The following SCFD1 variants were observed in gnomAD, a reference collection of about 807,000 sequenced individuals.
SCFD1 encodes the protein sec1 family domain-containing protein 1.
In SCFD1, 37 loss-of-function variants were observed where a neutral mutation model predicts 103.2. The observed-to-expected ratio is 0.36, with a 90% CI of 0.28 to 0.47. SCFD1 has a LOEUF of 0.47. Ranked by LOEUF, SCFD1 falls within the 20% of genes least tolerant of loss-of-function variation. The probability of loss-of-function intolerance (pLI) is 1.00; values close to 1 mark genes in which losing one functional copy is unlikely to be tolerated. For missense variants in SCFD1, 639 were observed against 761.2 expected (o/e 0.84, Z 1.89); for synonymous variants, 264 against 245.0 (o/e 1.08, Z -0.73).
At chr14:30,679,683 CTT>C (rs34886498) in intron 14 of SCFD1, among the ~76,000 whole-genome samples, 7,163 of 146,794 alleles carry the variant, frequency 0.049, 253 homozygotes, top group African/African-American at 0.096. Flanking sequence ...CATAAACTGA[CTT>C]TTTTTTTTTT....
chr14:30,660,120 C>T (rs867988270), intron 10 of SCFD1, among the ~76,000 whole-genome samples: 1 of 152,068 alleles, frequency 6.6e-6, no homozygotes, highest in Non-Finnish European at 1.5e-5. Context: ...AATAAGGATC[C>T]AGAAATACAT....
At chr14:30,626,673 C>G (rs1338941839) in intron 1 of SCFD1, among the ~76,000 whole-genome samples, 2 of 152,220 alleles carry the variant, frequency 1.3e-5, no homozygotes, top group Non-Finnish European at 2.9e-5. Flanking sequence ...AGCCCACTGT[C>G]ACTGGACTCT....
intron 9 of SCFD1, among the ~76,000 whole-genome samples, chr14:30,651,656 C>A (rs1886402108): frequency 6.6e-6 from 1 of 151,648 alleles, no homozygotes; most frequent in Non-Finnish European, 1.5e-5. Context: ...CCTTAGAAAC[C>A]AGTATAAAGG....
chr14:30,674,016 C>T lies in SCFD1; in HGVS notation c.1160+19C>T. The T allele has an allele frequency of 3.2e-6, 5 of 1,575,430 alleles. No homozygotes were observed. The highest frequency in any genetic ancestry group is 4.3e-6 in the Non-Finnish European group (5 of 1,153,466). On this transcript the variant is annotated intron_variant, in intron 13 of 24. Transcript: ENST00000458591. ...CTGTTAGGTAAGTGAGCAGTATATC[C>T]TCTTTGAAGTCTTTCTGTTGATAGG...
At chr14:30,701,822 AT>A (rs1030763057) in intron 16 of SCFD1, among the ~76,000 whole-genome samples, 1 of 151,916 alleles carries the variant, frequency 6.6e-6, no homozygotes, top group African/African-American at 2.4e-5. Context: ...AAAAAAAAAA[AT>A]TTAAAAGTGC....
intron 14 of SCFD1, among the ~76,000 whole-genome samples, chr14:30,691,119 G>C (rs958686996): frequency 1.3e-5 from 2 of 152,110 alleles, no homozygotes; most frequent in African/African-American, 4.8e-5. Flanking sequence ...ATTTTCTGTG[G>C]TATACATTAG....
At chr14:30,724,462 A>G (rs1326032836) in intron 23 of SCFD1, among the ~76,000 whole-genome samples, 5 of 151,972 alleles carry the variant, frequency 3.3e-5, no homozygotes, top group Non-Finnish European at 5.9e-5. Flanking sequence ...CACGTTGGCC[A>G]GATTGGTCTT....
At chr14:30,668,743 T>C (rs1198491263) in intron 10 of SCFD1, among the ~76,000 whole-genome samples, 6 of 152,102 alleles carry the variant, frequency 3.9e-5, no homozygotes, top group African/African-American at 1.4e-4. Context: ...GAGCGAAGGA[T>C]ATGAACAGAC....
Position 30,734,863 on chromosome 14 carries a change from A to C in SCFD1, c.1905+5A>C. The C allele has an allele frequency of 1.9e-6, 3 of 1,602,892 alleles. No individual in the cohort carries two copies. Among genetic ancestry groups the C allele is most frequent in the Non-Finnish European group, 2.6e-6 (3 of 1,169,954 alleles). ...GCTACACAGTTCATAAAACAGGTAA[A>C]GTATACATTTGTTGTTTGTTTCTGT... On this transcript the variant is annotated splice_donor_5th_base_variant and intron_variant, in intron 24 of 24. Coordinates refer to ENST00000458591, the MANE Select transcript of SCFD1 (RefSeq NM_016106.4).
At position 30,706,755 on chromosome 14, in the gene SCFD1, A is replaced by G. The variant is rs532320019; in HGVS notation, c.1553+870A>G. The stretch of plus-strand genomic sequence containing the variant: ...GTTTCCAATTCCTAGCTTACTTTTT[A>G]GAGCTAAAACAAAAGCAGGAAGCCA... On this transcript the variant is annotated intron_variant, in intron 18 of 24. Coordinates refer to ENST00000458591, the MANE Select transcript of SCFD1 (RefSeq NM_016106.4). Among the ~76,000 whole-genome samples the G allele has an allele frequency of 2.6e-5, 4 of 152,312 alleles. No individual in the cohort carries two copies. The South Asian group carries it at 6.2e-4, about 24-fold the overall frequency.
intron 23 of SCFD1, among the ~76,000 whole-genome samples, chr14:30,728,306 A>G (rs1458161289): frequency 6.6e-6 from 1 of 152,226 alleles, no homozygotes; most frequent in African/African-American, 2.4e-5. Context: ...GGTAAGGTAT[A>G]TAAGTTAGTC....
At chr14:30,645,755 A>G (rs1213285859) in intron 7 of SCFD1, among the ~76,000 whole-genome samples, 1 of 152,132 alleles carries the variant, frequency 6.6e-6, no homozygotes, top group Non-Finnish European at 1.5e-5. Flanking sequence ...GTGAGGTATA[A>G]GATCATATAA....
chr14:30,684,599 A>G (rs1889783757), intron 14 of SCFD1, among the ~76,000 whole-genome samples: 1 of 152,098 alleles, frequency 6.6e-6, no homozygotes, highest in Admixed American at 6.6e-5. Context: ...GATTCCTCCC[A>G]TAGAATGTCC....
In SCFD1 at chr14:30,661,830, A is replaced by T. The variant is rs1163886713; in HGVS notation, c.855+8242A>T. On this transcript the variant is annotated intron_variant, in intron 10 of 24. Coordinates refer to ENST00000458591, the MANE Select transcript of SCFD1 (RefSeq NM_016106.4). The stretch of plus-strand genomic sequence containing the variant: ...ATTAGTTTTAGGGATGAGCTTTGAA[A>T]AATAAATTTTTCACATAATGCTTTA... Among the ~76,000 whole-genome samples the T allele has an allele frequency of 2.0e-5, 3 of 152,170 alleles. No homozygotes were observed. In the East Asian group the frequency reaches 5.8e-4, roughly 29 times the overall value.
At chr14:30,674,704 A>G (rs1888876924) in intron 13 of SCFD1, among the ~76,000 whole-genome samples, 1 of 152,168 alleles carries the variant, frequency 6.6e-6, no homozygotes, top group Non-Finnish European at 1.5e-5. Context: ...GTTTCCATTA[A>G]TTTGATTTTA....
intron 4 of SCFD1, among the ~76,000 whole-genome samples, chr14:30,636,159 T>G (rs1040072214): frequency 1.3e-5 from 2 of 152,136 alleles, no homozygotes; most frequent in Non-Finnish European, 2.9e-5. Context: ...CTCACAAGTT[T>G]ATGATTTGTA....
At chr14:30,645,151 GC>G (rs1436083119) in intron 7 of SCFD1, among the ~76,000 whole-genome samples, 1 of 152,066 alleles carries the variant, frequency 6.6e-6, no homozygotes, top group Admixed American at 6.5e-5. Flanking sequence ...TAGGTATGTG[GC>G]TTTATTTCTG....
chr14:30,675,084 C>T lies in SCFD1; in HGVS notation c.1242+19C>T, dbSNP rs377198775. ...TATAAAGGTAAATTTAACTTTTTCC[C>T]CCCCACAATATGACTTGCATTTACA... is the stretch of plus-strand genomic sequence containing the variant. On this transcript the variant is annotated intron_variant, in intron 14 of 24. Transcript: ENST00000458591. The T allele has an allele frequency of 5.0e-6, 7 of 1,391,312 alleles. No homozygotes were observed. The highest frequency in any genetic ancestry group is 7.0e-6 in the Non-Finnish European group (7 of 1,006,882). 86.2% of individuals were successfully genotyped at this position (1,391,312 alleles called of 1,614,324 possible). A position where few individuals can be genotyped will look rare whatever the true frequency, so the allele number is the denominator to read the frequency against.
intron 5 of SCFD1, among the ~76,000 whole-genome samples, chr14:30,639,550 T>C (rs568765685): frequency 1.3e-5 from 2 of 152,334 alleles, no homozygotes; most frequent in African/African-American, 2.4e-5. Context: ...GAAAATGTTA[T>C]TCTCCTCCTT....
Sources: gnomAD v4.1 joint callset for allele counts (sites outside exome capture counted in the v4.1 genomes callset) on GRCh38, gnomAD v4.1.1 for gene constraint, MANE v1.5 for transcripts, NCBI Gene and HGNC (gene_info 2026-07-23, HGNC 2026-07-21) for gene names.